Variants in AKTIP observed in about 807,000 individuals in gnomAD.
The protein encoded by AKTIP is AKT-interacting protein.
AKTIP carries 16 observed loss-of-function variants against 39.1 expected under a neutral mutation model. The observed-to-expected ratio is 0.41, with a 90% CI of 0.28 to 0.62. The LOEUF is 0.62. Among genes scored for constraint, AKTIP ranks in the 20% least tolerant of loss-of-function variants. The pLI is 0.32. For synonymous variants in AKTIP, 93 were observed against 124.3 expected, an observed-to-expected ratio of 0.75 and a Z score of 1.67; for missense variants, 262 against 356.6, an observed-to-expected ratio of 0.73 and a Z score of 2.14.
At position 53,495,333 on chromosome 16, in the gene AKTIP, C is replaced by G. The variant is rs927952755; in HGVS notation, c.249-7G>C. The G allele has an allele frequency of 1.2e-6, 2 of 1,613,900 alleles. No individual in the cohort carries two copies. Among genetic ancestry groups the G allele is most frequent in the African/African-American group, 2.7e-5 (2 of 74,914 alleles). On this transcript the variant is annotated splice_polypyrimidine_tract_variant and splice_region_variant and intron_variant, in intron 3 of 9. Transcript: ENST00000394657. ...CTGCTTCACAACCAAGGTACTACAA[C>G]AAAAGCAGAATAATTAACTTGTGTG...
At chr16:53,502,527 C>A (rs1485416035) in intron 1 of AKTIP, among the ~76,000 whole-genome samples, 2 of 152,066 alleles carry the variant, frequency 1.3e-5, no homozygotes, top group Admixed American at 6.6e-5. Flanking sequence ...CACCCCGAAT[C>A]GGACTTAAGA....
At chr16:53,499,339 T>C (rs923836476) in intron 2 of AKTIP, among the ~76,000 whole-genome samples, 3 of 151,982 alleles carry the variant, frequency 2.0e-5, no homozygotes, top group African/African-American at 7.3e-5. Flanking sequence ...AATATGCCAA[T>C]GTAGCAAAAC....
At chr16:53,500,130 T>G in intron 2 of AKTIP, 88 bp downstream of exon 2, 2 of 1,003,764 alleles carry the variant, frequency 2.0e-6, no homozygotes, top group Admixed American at 2.0e-5. Context: ...CAGGTGACCG[T>G]GACAGATTAT....
intron 2 of AKTIP, among the ~76,000 whole-genome samples, chr16:53,499,230 A>C (rs1244836459): frequency 1.3e-5 from 2 of 152,248 alleles, no homozygotes; most frequent in Non-Finnish European, 2.9e-5. Context: ...TGGCGCAAGT[A>C]CAACCAAACG....
chr16:53,501,269 A>C (rs956746035), intron 1 of AKTIP: 6 of 152,210 alleles, frequency 3.9e-5, no homozygotes, highest in African/African-American at 1.4e-4. Flanking sequence ...ACATATAGAA[A>C]CTGCAGGATC....
chr16:53,497,701 G>A (rs547100945), intron 3 of AKTIP, among the ~76,000 whole-genome samples: 9 of 152,342 alleles, frequency 5.9e-5, no homozygotes, highest in Non-Finnish European at 8.8e-5. Flanking sequence ...CCTCCAGGAG[G>A]CGAATTCCTC....
intron 6 of AKTIP, 40 bp from the exon 7 acceptor site, chr16:53,494,477 G>C: frequency 6.2e-7 from 1 of 1,613,348 alleles, no homozygotes; most frequent in Non-Finnish European, 8.5e-7. Context: ...GCGTCCTCTT[G>C]CTGTATTATG....
At position 53,500,725 on chromosome 16, in the gene AKTIP, G is replaced by C. The variant is rs185488693; in HGVS notation, c.-70-396C>G. 2.6e-5 allele frequency among the ~76,000 whole-genome samples: 4 copies of C among 152,196 alleles called. No homozygotes were observed. In the East Asian group the frequency reaches 7.7e-4, roughly 29 times the overall value. The stretch of plus-strand genomic sequence containing the variant: ...ATGAATAACTAATTATGACACCCTG[G>C]ATATACAATATAATGTTATATAACA... On this transcript the variant is annotated intron_variant, in intron 1 of 9. Coordinates refer to ENST00000394657, the MANE Select transcript of AKTIP (RefSeq NM_022476.4).
chr16:53,500,360 T>G lies in AKTIP; in HGVS notation c.-70-31A>C, dbSNP rs1040978217. The G allele has an allele frequency of 2.7e-6, 4 of 1,461,370 alleles. No homozygotes were observed. The African/African-American group carries it at 5.8e-5, about 21-fold the overall frequency. 90.5% of individuals were successfully genotyped at this position (1,461,370 alleles called of 1,614,324 possible). A position where few individuals can be genotyped will look rare whatever the true frequency, so the allele number is the denominator to read the frequency against. On this transcript the variant is annotated intron_variant, in intron 1 of 9. Transcript: ENST00000394657. The stretch of plus-strand genomic sequence containing the variant: ...AACAAGACGGGAAGACATAGAAACA[T>G]GCCAACACCAACCATTAAGACTTTT...
At chr16:53,496,451 C>T (rs1219255579) in intron 3 of AKTIP, among the ~76,000 whole-genome samples, 1 of 151,280 alleles carries the variant, frequency 6.6e-6, no homozygotes, top group Admixed American at 6.6e-5. Flanking sequence ...GGGCCTCAGA[C>T]CCACTGACCA....
Position 53,494,384 on chromosome 16 carries a change from T to C in AKTIP, c.557A>G (p.Tyr186Cys). The C allele has an allele frequency of 6.2e-7, 1 of 1,614,222 alleles. No individual in the cohort carries two copies. The highest frequency in any genetic ancestry group is 2.2e-5 in the East Asian group (1 of 44,888). The change falls in exon 7 of 10, where the codon TAC (tyrosine) becomes TGC (cysteine). Residue 186 changes from tyrosine (Y) to cysteine (C), a missense_variant. Coordinates refer to ENST00000394657, the MANE Select transcript of AKTIP (RefSeq NM_022476.4). ...CAGGGGGCTTGCTGTATCAATCTTG[T>C]AGAAAACTCTCCTTGCATACATTAA... ...QVLMYARRVF[Y>C]KIDTASPLNP... is the part of the protein sequence containing the mutation.
At chr16:53,502,317 G>A (rs1005761298) in intron 1 of AKTIP, among the ~76,000 whole-genome samples, 30 of 152,196 alleles carry the variant, frequency 2.0e-4, no homozygotes, top group African/African-American at 7.2e-4. Flanking sequence ...TGACATAGAT[G>A]GAAGCAAGAC....
chr16:53,499,933 G>C (rs1032084828), intron 2 of AKTIP, among the ~76,000 whole-genome samples: 4 of 152,062 alleles, frequency 2.6e-5, no homozygotes, highest in Admixed American at 2.0e-4. Flanking sequence ...AAGTTTAGTA[G>C]AAAACTACAA....
Position 53,498,541 on chromosome 16 carries a change from C to T in AKTIP, c.98G>A (p.Arg33Gln), listed in dbSNP as rs141560947. 1.2e-5 allele frequency: 19 copies of T among 1,614,000 alleles called. No homozygotes were observed. In the African/African-American group the frequency reaches 1.3e-4, roughly 11 times the overall value. The change falls in exon 3 of 10, where the codon CGA becomes CAA. Residue 33 changes from arginine to glutamine, a missense_variant. Arg to Gln is a conservative substitution (Grantham distance 43). Around this residue, in one of 4 missense-constraint regions of AKTIP, gnomAD observed 88 missense variants for 132.1 expected, o/e 0.67. Coordinates refer to ENST00000394657, the MANE Select transcript of AKTIP (RefSeq NM_022476.4). ...LTGDVKTSPP[R>Q]TAPKKQLPSI... ...AGGCAGCTGTTTCTTTGGTGCAGTT[C>T]GTGGAGGACTGGTTTTCACGTCCCC...
At position 53,492,520 on chromosome 16, in the gene AKTIP, C is replaced by T. The variant is rs771414663; in HGVS notation, c.772-1G>A. On this transcript the variant is annotated splice_acceptor_variant, in intron 9 of 9. Coordinates refer to ENST00000394657, the MANE Select transcript of AKTIP (RefSeq NM_022476.4). LOFTEE classifies it high-confidence loss of function. ...TTTTATTGTGCTGTTCTTCAGGCTT[C>T]TTCTAGGCACAATCAAAACAGATAT... 24 of 1,613,984 alleles carry T rather than the reference C, an allele frequency of 1.5e-5. No individual in the cohort carries two copies. The South Asian group carries it at 2.5e-4, about 17-fold the overall frequency.
At chr16:53,497,894 G>A (rs1024841693) in intron 3 of AKTIP, among the ~76,000 whole-genome samples, 14 of 152,128 alleles carry the variant, frequency 9.2e-5, no homozygotes, top group African/African-American at 3.4e-4. Context: ...GATTACAGGC[G>A]CCTGCCATCA....
rs1383723547 is a variant in AKTIP at position 53,498,379 on chromosome 16, T to A, written c.248+12A>T. On this transcript the variant is annotated intron_variant, in intron 3 of 9. Coordinates refer to ENST00000394657, the MANE Select transcript of AKTIP (RefSeq NM_022476.4). ...ATTCCTAATTTAACCAAATAGTTTG[T>A]TAAGGACTTACAATTCTGCAAGAAG... The A allele has an allele frequency of 6.2e-7, 1 of 1,613,244 alleles. No individual in the cohort carries two copies. The highest frequency in any genetic ancestry group is 1.1e-5 in the South Asian group (1 of 91,060).
chr16:53,496,322 A>C (rs1961830269), intron 3 of AKTIP, among the ~76,000 whole-genome samples: 1 of 152,054 alleles, frequency 6.6e-6, no homozygotes, highest in Non-Finnish European at 1.5e-5. Context: ...TAATCACCCC[A>C]ATAGACGCCT....
chr16:53,498,298 T>TGGGTCCCCCTTTA lies in AKTIP; in HGVS notation c.248+92_248+93insTAAAGGGGGACCC, dbSNP rs561262853. 3,262 of 1,300,034 alleles carry TGGGTCCCCCTTTA rather than the reference T, an allele frequency of 2.5e-3. 7 individuals are homozygous for TGGGTCCCCCTTTA. The highest frequency in any genetic ancestry group is 3.3e-3 in the Non-Finnish European group (2,950 of 902,354). 80.5% of individuals were successfully genotyped at this position (1,300,034 alleles called of 1,614,324 possible). ...GACAGGTTTGAGCTTTGAGATTAAATGTCTGCCCTTTACTGCATCCATCAG... is the reference window on the plus strand; with the variant it reads ...GACAGGTTTGAGCTTTGAGATTAAATGGGTCCCCCTTTAGTCTGCCCTTTACTGCATCCATCAG... On this transcript the variant is annotated intron_variant, in intron 3 of 9. Coordinates refer to ENST00000394657, the MANE Select transcript of AKTIP (RefSeq NM_022476.4).
Sources: gnomAD v4.1 joint callset for allele counts (sites outside exome capture counted in the v4.1 genomes callset) on GRCh38, gnomAD v4.1.1 for gene constraint, gnomAD v4.1.1 regional missense constraint, MANE v1.5 for transcripts, NCBI Gene and HGNC (gene_info 2026-07-23, HGNC 2026-07-21) for gene names.